RASGRP3: variants seen among roughly 807,000 people sequenced by gnomAD.
RASGRP3 encodes RAS guanyl releasing protein 3.
In RASGRP3, 54 loss-of-function variants were observed where a neutral mutation model predicts 82.7. The observed-to-expected ratio is 0.65, with a 90% CI of 0.52 to 0.82. The LOEUF (loss-of-function observed/expected upper bound fraction) is 0.82, where lower values mean the gene tolerates loss of function less well. Among genes scored for constraint, RASGRP3 ranks in the 40% least tolerant of loss-of-function variants. The probability of loss-of-function intolerance (pLI) is 0.00; values close to 1 mark genes in which losing one functional copy is unlikely to be tolerated. For synonymous variants in RASGRP3, 309 were observed against 300.5 expected (o/e 1.03, Z -0.29); for missense variants, 861 against 828.9 (o/e 1.04, Z -0.48).
At chr2:33,543,967 A>G (rs376801891) in intron 13 of RASGRP3, among the ~76,000 whole-genome samples, 1 of 152,216 alleles carries the variant, frequency 6.6e-6, no homozygotes, top group East Asian at 1.9e-4. Context: ...CTAACCTGGG[A>G]GAGTCCTCAA....
intron 1 of RASGRP3, among the ~76,000 whole-genome samples, chr2:33,447,626 G>A (rs1243297807): frequency 6.6e-6 from 1 of 151,976 alleles, no homozygotes; most frequent in Non-Finnish European, 1.5e-5. Flanking sequence ...TAGAGACGAG[G>A]TTTCACCATA....
chr2:33,543,490 A>C (rs922466884), intron 12 of RASGRP3, 22 bp from the exon 13 acceptor site: 2 of 1,467,040 alleles, frequency 1.4e-6, no homozygotes, highest in African/African-American at 2.8e-5. Context: ...TCATTCAATA[A>C]ATACTTATCT....
At chr2:33,466,592 T>G (rs1666709578) in intron 2 of RASGRP3, among the ~76,000 whole-genome samples, 1 of 151,438 alleles carries the variant, frequency 6.6e-6, no homozygotes, top group Non-Finnish European at 1.5e-5. Context: ...GGCAGGAGAA[T>G]CACTTGAACC....
At chr2:33,442,799 G>C (rs1665296271) in intron 1 of RASGRP3, among the ~76,000 whole-genome samples, 1 of 152,106 alleles carries the variant, frequency 6.6e-6, no homozygotes, top group African/African-American at 2.4e-5. Context: ...AAATGCAGGG[G>C]AGCCCGTCTC....
intron 1 of RASGRP3, among the ~76,000 whole-genome samples, chr2:33,484,418 T>G (rs530856739): frequency 2.0e-4 from 30 of 152,362 alleles, no homozygotes; most frequent in African/African-American, 6.7e-4. Flanking sequence ...TCAATTTGAC[T>G]GAACTTTGAA....
At chr2:33,543,664 C>A in intron 13 of RASGRP3, 37 bp downstream of exon 13, 1 of 1,367,004 alleles carries the variant, frequency 7.3e-7, no homozygotes, top group Non-Finnish European at 1.0e-6. Flanking sequence ...ATGCAACTAT[C>A]CTAAAGCAGA....
At chr2:33,448,346 G>T (rs149240137) in intron 2 of RASGRP3, among the ~76,000 whole-genome samples, 2 of 152,020 alleles carry the variant, frequency 1.3e-5, no homozygotes, top group East Asian at 3.9e-4. Context: ...AACTCTCTGT[G>T]GTACACTAAT....
intron 1 of RASGRP3, among the ~76,000 whole-genome samples, chr2:33,442,766 G>T (rs1206287791): frequency 6.6e-6 from 1 of 152,180 alleles, no homozygotes; most frequent in Admixed American, 6.5e-5. Flanking sequence ...GGGCAGACAA[G>T]ATGGTCAGCA....
chr2:33,492,451 T>C (rs1668935086), intron 1 of RASGRP3, among the ~76,000 whole-genome samples: 1 of 152,216 alleles, frequency 6.6e-6, no homozygotes, highest in Non-Finnish European at 1.5e-5. Flanking sequence ...AGATGTGGAC[T>C]GAATTTTGTA....
intron 2 of RASGRP3, among the ~76,000 whole-genome samples, chr2:33,456,332 T>C (rs1188403618): frequency 1.3e-5 from 2 of 148,386 alleles, no homozygotes; most frequent in African/African-American, 4.8e-5. Flanking sequence ...ATATTAATGT[T>C]ATTTTTAATT....
In RASGRP3 at chr2:33,527,229, C is replaced by T; in HGVS notation, c.900C>T (p.Pro300=). 6.2e-7 allele frequency: 1 copy of T among 1,614,034 alleles called. No homozygotes were observed. Among genetic ancestry groups the T allele is most frequent in the Non-Finnish European group, 8.5e-7 (1 of 1,179,884 alleles). ...AFADCDGFKI[P]ILGVHLKDLI... is the part of the protein sequence containing the mutation. ...CCGACTGCGATGGCTTCAAAATCCC[C>T]ATCCTTGGAGTACACTTGAAAGACT... The change falls in exon 10 of 18, where the codon CCC becomes CCT. Residue 300 remains proline, a synonymous_variant. Transcript: ENST00000403687.
chr2:33,463,928 A>G (rs1266824171), intron 2 of RASGRP3, among the ~76,000 whole-genome samples: 1 of 151,486 alleles, frequency 6.6e-6, no homozygotes, highest in Non-Finnish European at 1.5e-5. Context: ...GTACATGTGC[A>G]TACCTCATTT....
intron 1 of RASGRP3, among the ~76,000 whole-genome samples, chr2:33,443,686 G>A (rs1468844849): frequency 2.7e-5 from 4 of 146,758 alleles, no homozygotes; most frequent in African/African-American, 1.0e-4. Flanking sequence ...ACCAGCCTGG[G>A]CAACATAGTG....
At chr2:33,488,332 T>G (rs1280593799) in intron 1 of RASGRP3, among the ~76,000 whole-genome samples, 1 of 152,202 alleles carries the variant, frequency 6.6e-6, no homozygotes, top group Non-Finnish European at 1.5e-5. Context: ...CTAGAACAAA[T>G]TACTTCTAAT....
rs56664748 is a variant in RASGRP3, at chr2:33,529,487, C to CAAAAAAAAAAAA, written c.1083+2077_1083+2088dup. On this transcript the variant is annotated intron_variant, in intron 10 of 17. Coordinates refer to ENST00000403687, the MANE Select transcript of RASGRP3 (RefSeq NM_001139488.2). ...TGGGCGACAGAGCGAGACTCCATCT[C>CAAAAAAAAAAAA]AAAAAAAAAAAAATTCAGGAGTACA... Among the ~76,000 whole-genome samples, 13 of 57,024 alleles carry CAAAAAAAAAAAA rather than the reference C, an allele frequency of 2.3e-4. 1 individual carries two copies. Among genetic ancestry groups the CAAAAAAAAAAAA allele is most frequent in the East Asian group, 5.2e-4 (1 of 1,940 alleles). 37.4% of individuals were successfully genotyped at this position (57,024 alleles called of 152,430 possible).
chr2:33,499,307 C>T (rs897714059), intron 1 of RASGRP3, among the ~76,000 whole-genome samples: 4 of 152,142 alleles, frequency 2.6e-5, no homozygotes, highest in Non-Finnish European at 5.9e-5. Flanking sequence ...GGCTTAATCT[C>T]AGCACTTTGG....
rs540897252 is a variant in RASGRP3, at chr2:33,549,706, G to A, written c.1497G>A (p.Glu499=). The A allele has an allele frequency of 1.9e-6, 3 of 1,614,020 alleles. No individual in the cohort carries two copies. The East Asian group carries it at 6.7e-5, about 36-fold the overall frequency. Residue 499 remains glutamate, a synonymous_variant, in exon 14 of 18, where the codon GAG becomes GAA. Coordinates refer to ENST00000403687, the MANE Select transcript of RASGRP3 (RefSeq NM_001139488.2). Reference sequence around the variant, plus strand: ...CAGGATTTATCCATAATTTTCAGGAGATGACCTATCTCAAGCCAACCTTCT... The same window carrying A: ...CAGGATTTATCCATAATTTTCAGGAAATGACCTATCTCAAGCCAACCTTCT... ...MGPGFIHNFQ[E]MTYLKPTFCE...
chr2:33,464,829 C>A (rs1011660820), intron 2 of RASGRP3, among the ~76,000 whole-genome samples: 1 of 152,152 alleles, frequency 6.6e-6, no homozygotes, highest in Non-Finnish European at 1.5e-5. Context: ...CCAAAGCACA[C>A]CCATATTGGC....
chr2:33,517,162 G>T (rs1486671151), intron 4 of RASGRP3, among the ~76,000 whole-genome samples: 1 of 152,134 alleles, frequency 6.6e-6, no homozygotes, highest in Non-Finnish European at 1.5e-5. Context: ...ACTAATTTTA[G>T]ATTTTCTTCT....
Sources: allele counts gnomAD v4.1 joint callset (sites outside exome capture counted in the v4.1 genomes callset), GRCh38; gene constraint gnomAD v4.1.1; transcripts MANE v1.5; gene names NCBI Gene and HGNC (gene_info 2026-07-23, HGNC 2026-07-21).